PCBP2: variants seen among roughly 807,000 people sequenced by gnomAD.
PCBP2 encodes the protein poly(rC) binding protein 2, also known as poly(rC)-binding protein 2.
A neutral mutation model predicts 50.1 loss-of-function variants in PCBP2; 4 were observed. The observed-to-expected ratio is 0.08, with a 90% CI of 0.04 to 0.18. The LOEUF (loss-of-function observed/expected upper bound fraction) is 0.18. Among genes scored for constraint, PCBP2 ranks in the 10% least tolerant of loss-of-function variants. The pLI, the probability that PCBP2 is intolerant of heterozygous loss-of-function variation, is 1.00. For missense variants in PCBP2, 161 were observed against 474.3 expected, an observed-to-expected ratio of 0.34 and a Z score of 6.14; for synonymous variants, 179 against 168.0, an observed-to-expected ratio of 1.07 and a Z score of -0.51.
At chr12:53,473,338 C>T (rs971501128) in intron 14 of PCBP2, among the ~76,000 whole-genome samples, 5 of 152,212 alleles carry the variant, frequency 3.3e-5, no homozygotes, top group African/African-American at 1.2e-4. Context: ...CTGCCTCGGC[C>T]TCCCAAAGTG....
At chr12:53,477,660 T>C (rs1299613863) in intron 14 of PCBP2, among the ~76,000 whole-genome samples, 2 of 84,582 alleles carry the variant, frequency 2.4e-5, no homozygotes, top group Non-Finnish European at 4.3e-5. Flanking sequence ...AGCAAGACTC[T>C]GTCTCAAAAA....
intron 13 of PCBP2, among the ~76,000 whole-genome samples, chr12:53,470,378 CAAAAAAAAAAAAA>C (rs754350790): frequency 4.2e-5 from 2 of 47,366 alleles, no homozygotes; most frequent in East Asian, 9.3e-4. Flanking sequence ...CTCCGTCTCT[CAAAAAAAAAAAAA>C]AAAAAAAAAA....
intron 7 of PCBP2, 87 bp from the exon 8 acceptor site, chr12:53,462,406 C>G (rs1309881351): frequency 2.9e-6 from 3 of 1,017,532 alleles, no homozygotes; most frequent in East Asian, 2.5e-5. Context: ...TTTAATTTAA[C>G]TGACCTGTGT....
chr12:53,462,409 A>G, intron 7 of PCBP2, 84 bp from the exon 8 acceptor site: 1 of 1,053,206 alleles, frequency 9.5e-7, no homozygotes, highest in Non-Finnish European at 1.4e-6. Context: ...AATTTAACTG[A>G]CCTGTGTGAG....
intron 14 of PCBP2, among the ~76,000 whole-genome samples, chr12:53,476,234 G>A (rs1324539005): frequency 6.6e-6 from 1 of 152,098 alleles, no homozygotes; most frequent in East Asian, 1.9e-4. Flanking sequence ...CTCCCCACCA[G>A]CACTATCAGG....
At chr12:53,463,679 A>T (rs572045600) in intron 8 of PCBP2, among the ~76,000 whole-genome samples, 5 of 152,326 alleles carry the variant, frequency 3.3e-5, no homozygotes, top group African/African-American at 1.2e-4. Context: ...CCCACCAATA[A>T]CGTAGGGACA....
At chr12:53,479,123 A>C (rs1198643397) in intron 14 of PCBP2, among the ~76,000 whole-genome samples, 1 of 151,954 alleles carries the variant, frequency 6.6e-6, no homozygotes. Flanking sequence ...CAGAAAGTAC[A>C]CTCCTTGGTT....
intron 13 of PCBP2, among the ~76,000 whole-genome samples, chr12:53,470,105 C>A (rs1359616572): frequency 6.6e-6 from 1 of 151,884 alleles, no homozygotes. Flanking sequence ...TGGTTTTCAG[C>A]CAGGTGCAGT....
rs1025198302 is a variant in PCBP2, at chr12:53,479,590, TTTAA to T, written c.*153_*156del. On this transcript the variant is annotated 3_prime_UTR_variant, in exon 15 of 15. Transcript: ENST00000546463. ...ACACTTTATCATCCACTCGTGATTTTTTAATTAAAGCGTTTTAATTCCTTTCTCT... is the reference window on the plus strand; with the variant it reads ...ACACTTTATCATCCACTCGTGATTTTTTAAAGCGTTTTAATTCCTTTCTCT... The T allele has an allele frequency of 3.4e-6, 2 of 589,298 alleles. No individual in the cohort carries two copies. Among genetic ancestry groups the T allele is most frequent in the Admixed American group, 2.6e-5 (1 of 37,760 alleles). The allele number at this position is 589,298 out of a possible 1,614,324, so 36.5% of individuals were successfully genotyped here. A position where few individuals can be genotyped will look rare whatever the true frequency, so the allele number is the denominator to read the frequency against.
At chr12:53,477,583 G>A (rs61220575) in intron 14 of PCBP2, among the ~76,000 whole-genome samples, 187 of 145,218 alleles carry the variant, frequency 1.3e-3, no homozygotes, top group African/African-American at 4.6e-3. Context: ...GGAGAATGGC[G>A]TGAACCTGGG....
chr12:53,459,890 A>G, intron 6 of PCBP2: 1 of 454,142 alleles, frequency 2.2e-6, no homozygotes, highest in Non-Finnish European at 4.4e-6. Flanking sequence ...CCTCCCAAGG[A>G]GCCGGGACTG....
rs981152403 is a variant in PCBP2 at position 53,464,538 on chromosome 12, C to T, written c.580-222C>T. 12 of 526,628 alleles carry T rather than the reference C, an allele frequency of 2.3e-5. No individual in the cohort carries two copies. In the South Asian group the frequency reaches 2.3e-4, roughly 10 times the overall value. The allele number at this position is 526,628 out of a possible 1,614,324, so 32.6% of individuals were successfully genotyped here. A position where few individuals can be genotyped will look rare whatever the true frequency, so the allele number is the denominator to read the frequency against. ...CTGGCATCAGCTCTGTTGCCCCACC[C>T]CTTCATTCTTATTGAAAATAGCCCA... On this transcript the variant is annotated intron_variant, in intron 8 of 14. Coordinates refer to ENST00000546463, the MANE Select transcript of PCBP2 (RefSeq NM_031989.5).
At chr12:53,475,010 C>A (rs1239246790) in intron 14 of PCBP2, 1 of 456,488 alleles carries the variant, frequency 2.2e-6, no homozygotes, top group Non-Finnish European at 4.4e-6. Flanking sequence ...CGGGGACCTC[C>A]GACGCACCCT....
intron 6 of PCBP2, chr12:53,460,194 C>T (rs1317767714): frequency 4.5e-6 from 1 of 220,076 alleles, no homozygotes; most frequent in Non-Finnish European, 9.5e-6. Context: ...AAGTGCAGGG[C>T]ATAATCGTGA....
chr12:53,459,037 C>T (rs1219992333), intron 5 of PCBP2, among the ~76,000 whole-genome samples: 1 of 152,016 alleles, frequency 6.6e-6, no homozygotes, highest in Non-Finnish European at 1.5e-5. Flanking sequence ...AAGTACATTC[C>T]TTCAGGGTGA....
Position 53,455,989 on chromosome 12 carries a change from C to T in PCBP2, c.231C>T (p.Asp77=), listed in dbSNP as rs1328483246. 2 of 1,601,522 alleles carry T rather than the reference C, an allele frequency of 1.2e-6. No individual in the cohort carries two copies. The highest frequency in any genetic ancestry group is 1.1e-5 in the South Asian group (1 of 90,808). ...AIFKAFAMII[D]KLEEDISSSM... Reference sequence around the variant, plus strand: ...TCAAAGCCTTTGCTATGATCATTGACAAACTGGAAGAGGTTTGTTGTCTCC... The same window carrying T: ...TCAAAGCCTTTGCTATGATCATTGATAAACTGGAAGAGGTTTGTTGTCTCC... Residue 77 remains aspartate, a synonymous_variant, in exon 5 of 15, where the codon GAC becomes GAT. Coordinates refer to ENST00000546463, the MANE Select transcript of PCBP2 (RefSeq NM_031989.5).
intron 5 of PCBP2, among the ~76,000 whole-genome samples, chr12:53,457,650 T>G (rs1941130729): frequency 6.6e-6 from 1 of 152,124 alleles, no homozygotes; most frequent in Admixed American, 6.5e-5. Flanking sequence ...GTGGCCTTTA[T>G]TTTATTAAAT....
chr12:53,465,335 A>G (rs766334818), intron 9 of PCBP2, among the ~76,000 whole-genome samples: 2 of 151,864 alleles, frequency 1.3e-5, no homozygotes, highest in South Asian at 2.1e-4. Context: ...GCAAATGCCT[A>G]TGGAGGGGAG....
At position 53,452,150 on chromosome 12, in the gene PCBP2, T is replaced by TCCCGCCCG. The variant is rs1157887649; in HGVS notation, c.-294_-287dup. The TCCCGCCCG allele has an allele frequency of 7.8e-5, 4 of 51,134 alleles. No individual in the cohort carries two copies. Among genetic ancestry groups the TCCCGCCCG allele is most frequent in the Admixed American group, 2.8e-4 (1 of 3,562 alleles). The allele number at this position is 51,134 out of a possible 1,614,324, so 3.2% of individuals were successfully genotyped here. ...CGGAGCAGCCGCAGCCTGCGCCCTC[T>TCCCGCCCG]CCCGCCCGCCCGCCCTCCGCCCGCC... On this transcript the variant is annotated 5_prime_UTR_variant, in exon 1 of 15. Transcript: ENST00000546463.
Sources: allele counts gnomAD v4.1 joint callset (sites outside exome capture counted in the v4.1 genomes callset), GRCh38; gene constraint gnomAD v4.1.1; transcripts MANE v1.5; gene names NCBI Gene and HGNC (gene_info 2026-07-23, HGNC 2026-07-21).